Variants in RAB3GAP2 observed in about 807,000 individuals in gnomAD.
The protein encoded by RAB3GAP2 is RAB3 GTPase activating non-catalytic protein subunit 2, also known as rab3 GTPase-activating protein non-catalytic subunit.
In RAB3GAP2, 87 loss-of-function variants were observed where a neutral mutation model predicts 185.3. That is an observed-to-expected ratio of 0.47 (90% CI 0.39 to 0.56). RAB3GAP2 has a LOEUF of 0.56. Ranked by LOEUF, RAB3GAP2 falls within the 20% of genes least tolerant of loss-of-function variation. The pLI, the probability that RAB3GAP2 is intolerant of heterozygous loss-of-function variation, is 0.00. For synonymous variants in RAB3GAP2, 554 were observed against 576.1 expected, an observed-to-expected ratio of 0.96 and a Z score of 0.55; for missense variants, 1,492 against 1,638.2, an observed-to-expected ratio of 0.91 and a Z score of 1.54.
intron 17 of RAB3GAP2, among the ~76,000 whole-genome samples, chr1:220,186,704 C>G (rs1455067250): frequency 6.6e-6 from 1 of 152,116 alleles, no homozygotes; most frequent in Non-Finnish European, 1.5e-5. Context: ...ACTTTTGTTA[C>G]TGGGTTTTCT....
chr1:220,183,091 A>C (rs1158621758), intron 19 of RAB3GAP2, among the ~76,000 whole-genome samples, 160 bp from the exon 20 acceptor site: 1 of 152,226 alleles, frequency 6.6e-6, no homozygotes, highest in East Asian at 1.9e-4. Flanking sequence ...TTTCATGAGT[A>C]GGAAGTTATT....
intron 1 of RAB3GAP2, among the ~76,000 whole-genome samples, chr1:220,243,666 T>C (rs1659742064): frequency 6.6e-6 from 1 of 152,216 alleles, no homozygotes; most frequent in African/African-American, 2.4e-5. Context: ...GAATCTGGTA[T>C]GATGCTGTCA....
In RAB3GAP2 at chr1:220,193,240, CT is replaced by C; in HGVS notation, c.1269del (p.Tyr425ThrfsTer12). On this transcript the variant is annotated frameshift_variant and splice_region_variant, in exon 13 of 35. Coordinates refer to ENST00000358951, the MANE Select transcript of RAB3GAP2 (RefSeq NM_012414.4). LOFTEE classifies it high-confidence loss of function. ...TTTTCTGGATTTTTGTAAGAAGTAC[CT>C]TTCCACATGCGTATTGCAATTCCTC... ...VARGIAIRMW[K>X]GYRDAQIGWI... The C allele has an allele frequency of 6.2e-7, 1 of 1,613,844 alleles. No homozygotes were observed. The highest frequency in any genetic ancestry group is 8.5e-7 in the Non-Finnish European group (1 of 1,179,890).
chr1:220,169,909 C>T (rs1394199500), intron 24 of RAB3GAP2, among the ~76,000 whole-genome samples: 7 of 151,990 alleles, frequency 4.6e-5, no homozygotes, highest in East Asian at 1.9e-4. Flanking sequence ...CCCAGCAATC[C>T]CATTACTGGG....
chr1:220,272,444 G>A lies in RAB3GAP2; in HGVS notation c.-107C>T. On this transcript the variant is annotated 5_prime_UTR_variant, in exon 1 of 35. Transcript: ENST00000358951. Reference sequence around the variant, plus strand: ...CCCAATAGCTCTAGCCAAGCAGAAGGCGGAGAAACCAAACCGGAAGCTGTC... The same window carrying A: ...CCCAATAGCTCTAGCCAAGCAGAAGACGGAGAAACCAAACCGGAAGCTGTC... 2 of 752,406 alleles carry A rather than the reference G, an allele frequency of 2.7e-6. No individual in the cohort carries two copies. The highest frequency in any genetic ancestry group is 4.7e-6 in the Non-Finnish European group (2 of 425,370). 46.6% of individuals were successfully genotyped at this position (752,406 alleles called of 1,614,324 possible).
At chr1:220,263,484 T>A (rs752494349) in intron 1 of RAB3GAP2, among the ~76,000 whole-genome samples, 1 of 152,140 alleles carries the variant, frequency 6.6e-6, no homozygotes, top group East Asian at 1.9e-4. Context: ...AGATAAGGAT[T>A]CAATTTCATT....
chr1:220,182,937 A>C lies in RAB3GAP2; in HGVS notation c.1999-6T>G. 6.2e-7 allele frequency: 1 copy of C among 1,600,720 alleles called. No individual in the cohort carries two copies. The highest frequency in any genetic ancestry group is 8.6e-7 in the Non-Finnish European group (1 of 1,169,028). On this transcript the variant is annotated splice_polypyrimidine_tract_variant and splice_region_variant and intron_variant, in intron 19 of 34. Transcript: ENST00000358951. ...CTTAGTAACAGAGCCAAGTCCTTTA[A>C]AACAGAAAACAAAACAAAACAACAT...
At chr1:220,157,046 T>C (rs1657870581) in intron 31 of RAB3GAP2, among the ~76,000 whole-genome samples, 1 of 151,826 alleles carries the variant, frequency 6.6e-6, no homozygotes, top group Non-Finnish European at 1.5e-5. Flanking sequence ...AGGAATAATA[T>C]GGAGAATGAG....
chr1:220,181,535 T>C (rs368188970), intron 21 of RAB3GAP2, among the ~76,000 whole-genome samples: 1 of 152,204 alleles, frequency 6.6e-6, no homozygotes, highest in South Asian at 2.1e-4. Context: ...ATATTTGTTA[T>C]ATTAGAGATT....
intron 2 of RAB3GAP2, among the ~76,000 whole-genome samples, chr1:220,226,758 G>A (rs1464084756): frequency 6.6e-6 from 1 of 152,056 alleles, no homozygotes; most frequent in Non-Finnish European, 1.5e-5. Context: ...ACTGACTTGT[G>A]TCCCCTTGCC....
At chr1:220,264,037 A>G (rs1000467492) in intron 1 of RAB3GAP2, among the ~76,000 whole-genome samples, 2 of 152,066 alleles carry the variant, frequency 1.3e-5, no homozygotes, top group African/African-American at 4.8e-5. Flanking sequence ...ACCGACATCC[A>G]TTAAAAAAAA....
At chr1:220,191,974 G>A (rs1055732442) in intron 13 of RAB3GAP2, among the ~76,000 whole-genome samples, 3 of 152,134 alleles carry the variant, frequency 2.0e-5, no homozygotes, top group African/African-American at 4.8e-5. Context: ...CATGGGAGAC[G>A]TAGCTGATGC....
In RAB3GAP2 at chr1:220,267,861, A is replaced by G. The variant is rs2102538246; in HGVS notation, c.115+4362T>C. On this transcript the variant is annotated intron_variant, in intron 1 of 34. Coordinates refer to ENST00000358951, the MANE Select transcript of RAB3GAP2 (RefSeq NM_012414.4). ...CACGAGAACATGTTCTGGACCTCCA[A>G]CTGGAGTTTTAGCCTCAACAGGCCC... 5.0e-6 allele frequency: 5 copies of G among 1,004,652 alleles called. No homozygotes were observed. In the South Asian group the frequency reaches 6.4e-5, roughly 13 times the overall value. 62.2% of individuals were successfully genotyped at this position (1,004,652 alleles called of 1,614,324 possible). A position where few individuals can be genotyped will look rare whatever the true frequency, so the allele number is the denominator to read the frequency against.
At chr1:220,172,407 T>C (rs532780940) in intron 22 of RAB3GAP2, among the ~76,000 whole-genome samples, 144 of 152,330 alleles carry the variant, frequency 9.5e-4, no homozygotes, top group African/African-American at 3.3e-3. Flanking sequence ...TTAAGATGTA[T>C]TGTTCAAATC....
chr1:220,236,338 A>G (rs909964617), intron 1 of RAB3GAP2, among the ~76,000 whole-genome samples: 15 of 152,078 alleles, frequency 9.9e-5, no homozygotes, highest in South Asian at 2.1e-4. Context: ...CACCACACCC[A>G]GCTAATTTTT....
At chr1:220,193,497 A>AT (rs1410112748) in intron 12 of RAB3GAP2, 118 bp from the exon 13 acceptor site, 1 of 969,288 alleles carries the variant, frequency 1.0e-6, no homozygotes, top group African/African-American at 1.6e-5. Flanking sequence ...AGAAATATGA[A>AT]TTTTACCTGG....
intron 2 of RAB3GAP2, among the ~76,000 whole-genome samples, chr1:220,222,029 C>T (rs956190081): frequency 8.5e-5 from 13 of 152,148 alleles, no homozygotes; most frequent in Non-Finnish European, 1.8e-4. Flanking sequence ...TTTAGTGGTA[C>T]CAGTAAGATC....
chr1:220,212,891 C>T lies in RAB3GAP2; in HGVS notation c.382G>A (p.Glu128Lys). 1.2e-6 allele frequency: 2 copies of T among 1,611,852 alleles called. No individual in the cohort carries two copies. Among genetic ancestry groups the T allele is most frequent in the Non-Finnish European group, 1.7e-6 (2 of 1,178,016 alleles). ...VGWSGSLNVE[E>K]GECVTSALCI... ...CAAAAATTAACTGGCACCTACCCTT[C>T]TTCGACATTTAAGGAACCACTCCAG... Residue 128 changes from glutamate to lysine, a missense_variant, in exon 4 of 35, where the codon GAA (glutamate) becomes AAA (lysine). Transcript: ENST00000358951.
intron 12 of RAB3GAP2, among the ~76,000 whole-genome samples, chr1:220,194,491 T>C (rs569001362): frequency 4.2e-4 from 64 of 152,218 alleles, no homozygotes; most frequent in African/African-American, 1.5e-3. Flanking sequence ...CTCCCGGGTT[T>C]GAGCAATTCT....
Sources: allele counts gnomAD v4.1 joint callset (sites outside exome capture counted in the v4.1 genomes callset), GRCh38; gene constraint gnomAD v4.1.1; transcripts MANE v1.5; gene names NCBI Gene and HGNC (gene_info 2026-07-23, HGNC 2026-07-21).